The following XKR6 variants were observed in gnomAD, a reference collection of about 807,000 sequenced individuals.
XKR6 encodes the protein XK-related protein 6.
In XKR6, 22 loss-of-function variants were observed where a neutral mutation model predicts 56.7. The ratio of observed to expected loss-of-function variants is 0.39; its 90% CI spans 0.28 to 0.55. The LOEUF (loss-of-function observed/expected upper bound fraction) is 0.55, where lower values mean the gene tolerates loss of function less well. XKR6 is among the 20% of genes least tolerant of loss of function. The pLI is 0.66. For missense variants in XKR6, 852 were observed against 889.0 expected (o/e 0.96, Z 0.53); for synonymous variants, 524 against 387.8 (o/e 1.35, Z -4.13).
intron 1 of XKR6, among the ~76,000 whole-genome samples, chr8:11,077,879 G>C (rs1345627186): frequency 1.3e-5 from 2 of 152,166 alleles, no homozygotes; most frequent in Admixed American, 6.5e-5. Context: ...GGGGACCCAG[G>C]GGATCCACAG....
chr8:11,178,642 CAT>C (rs1802805644), intron 1 of XKR6, among the ~76,000 whole-genome samples: 1 of 132,424 alleles, frequency 7.6e-6, no homozygotes, highest in Admixed American at 7.2e-5. Flanking sequence ...TATATATACA[CAT>C]ACACACAAAT....
At chr8:11,037,252 G>C (rs1162855869) in intron 1 of XKR6, among the ~76,000 whole-genome samples, 3 of 152,078 alleles carry the variant, frequency 2.0e-5, no homozygotes, top group Non-Finnish European at 4.4e-5. Flanking sequence ...TTTTAAGACA[G>C]GGTCTCACTC....
At chr8:10,927,424 G>A (rs1253419250) in intron 1 of XKR6, among the ~76,000 whole-genome samples, 6 of 152,112 alleles carry the variant, frequency 3.9e-5, no homozygotes, top group African/African-American at 1.4e-4. Flanking sequence ...GATCACTCCA[G>A]GCCCCAGACC....
chr8:11,062,513 A>G (rs1224419452), intron 1 of XKR6: 3 of 350,894 alleles, frequency 8.5e-6, no homozygotes, highest in Admixed American at 8.0e-5. Context: ...CATTATCACC[A>G]TCTCTCCTCT....
At chr8:11,145,249 C>T (rs991007076) in intron 1 of XKR6, among the ~76,000 whole-genome samples, 2 of 141,744 alleles carry the variant, frequency 1.4e-5, no homozygotes, top group African/African-American at 5.6e-5. Context: ...TGCAAATACT[C>T]CCAAAATCCA....
intron 1 of XKR6, among the ~76,000 whole-genome samples, chr8:11,082,348 T>C (rs918328057): frequency 3.9e-5 from 6 of 152,020 alleles, no homozygotes; most frequent in African/African-American, 1.4e-4. Context: ...GGAGCAAGAG[T>C]TGGTCAATTT....
intron 1 of XKR6, among the ~76,000 whole-genome samples, chr8:11,098,711 G>C (rs1438497981): frequency 6.6e-6 from 1 of 152,158 alleles, no homozygotes; most frequent in Non-Finnish European, 1.5e-5. Context: ...TTTATTGCTT[G>C]CACAAGTGAT....
At chr8:11,035,053 G>C (rs997724588) in intron 1 of XKR6, among the ~76,000 whole-genome samples, 1 of 152,214 alleles carries the variant, frequency 6.6e-6, no homozygotes. Flanking sequence ...CCCTGGGCCA[G>C]TTACTGATTC....
At chr8:11,176,560 A>G (rs754844346) in intron 1 of XKR6, among the ~76,000 whole-genome samples, 12 of 152,060 alleles carry the variant, frequency 7.9e-5, no homozygotes, top group Admixed American at 2.0e-4. Flanking sequence ...TTTACATCAA[A>G]TTCTTTTCCT....
At chr8:10,967,537 C>A in intron 1 of XKR6, among the ~76,000 whole-genome samples, 1 of 152,256 alleles carries the variant, frequency 6.6e-6, no homozygotes, top group African/African-American at 2.4e-5. Context: ...GGTCGGGGGG[C>A]GTGGGGTGCC....
chr8:10,902,860 G>T (rs1465368361), intron 2 of XKR6, among the ~76,000 whole-genome samples: 1 of 152,166 alleles, frequency 6.6e-6, no homozygotes, highest in Non-Finnish European at 1.5e-5. Flanking sequence ...GGACTTGCCT[G>T]GGGGAGGTCA....
At chr8:11,048,355 G>T (rs554838923) in intron 1 of XKR6, among the ~76,000 whole-genome samples, 10 of 152,266 alleles carry the variant, frequency 6.6e-5, no homozygotes, top group Admixed American at 1.3e-4. Flanking sequence ...GCCAGGGGGA[G>T]GGAAACTACT....
In XKR6 at chr8:11,200,430, T is replaced by G; in HGVS notation, c.764+146A>C. 9.0e-6 allele frequency: 10 copies of G among 1,109,160 alleles called. No individual in the cohort carries two copies. Among genetic ancestry groups the G allele is most frequent in the Non-Finnish European group, 1.2e-5 (10 of 849,214 alleles). 68.7% of individuals were successfully genotyped at this position (1,109,160 alleles called of 1,614,324 possible). A position where few individuals can be genotyped will look rare whatever the true frequency, so the allele number is the denominator to read the frequency against. On this transcript the variant is annotated intron_variant, in intron 1 of 2. Coordinates refer to ENST00000416569, the MANE Select transcript of XKR6 (RefSeq NM_173683.4). The surrounding 1 kb of genome is among the most constrained non-coding windows in gnomAD (Gnocchi z 6.4). ...AGGGATCCAGATCAAACGCCGGTCT[T>G]TTGGAGACGCCAGGGGCGGCGCGCG...
chr8:11,102,855 C>A (rs974867082), intron 1 of XKR6, among the ~76,000 whole-genome samples: 1 of 152,198 alleles, frequency 6.6e-6, no homozygotes, highest in African/African-American at 2.4e-5. Context: ...CATCCTTGGA[C>A]ACTTCCCTTC....
At chr8:11,137,756 G>A (rs908226321) in intron 1 of XKR6, 1 of 452,932 alleles carries the variant, frequency 2.2e-6, no homozygotes. Flanking sequence ...ATCGAATCCT[G>A]CTCCGGTCCT....
intron 1 of XKR6, among the ~76,000 whole-genome samples, chr8:11,029,686 A>G (rs1248220968): frequency 6.6e-6 from 1 of 152,020 alleles, no homozygotes; most frequent in Non-Finnish European, 1.5e-5. Context: ...ATTTGCCATG[A>G]CAGAAGACGA....
intron 1 of XKR6, among the ~76,000 whole-genome samples, chr8:11,086,993 T>A (rs2129171595): frequency 6.6e-6 from 1 of 152,180 alleles, no homozygotes; most frequent in East Asian, 1.9e-4. Context: ...ATGGGCCCCA[T>A]GAAACTCTGC....
intron 1 of XKR6, among the ~76,000 whole-genome samples, chr8:11,024,991 T>G (rs1179966298): frequency 2.0e-5 from 3 of 152,190 alleles, no homozygotes; most frequent in East Asian, 3.8e-4. Flanking sequence ...TGGCTCCCAG[T>G]AACCAAAGTC....
intron 1 of XKR6, among the ~76,000 whole-genome samples, chr8:10,943,133 G>T (rs1801434578): frequency 6.6e-6 from 1 of 152,228 alleles, no homozygotes; most frequent in African/African-American, 2.4e-5. Context: ...GCTGCTTCCT[G>T]GGATCATAGC....
Sources: gnomAD v4.1 joint callset for allele counts (sites outside exome capture counted in the v4.1 genomes callset) on GRCh38, gnomAD v4.1.1 for gene constraint, Gnocchi (gnomAD v3.1) non-coding constraint, MANE v1.5 for transcripts, NCBI Gene and HGNC (gene_info 2026-07-23, HGNC 2026-07-21) for gene names.